PCGF3: variants seen among roughly 807,000 people sequenced by gnomAD.
PCGF3 encodes polycomb group ring finger 3.
A neutral mutation model predicts 33.1 loss-of-function variants in PCGF3; 7 were observed. The ratio of observed to expected loss-of-function variants is 0.21; its 90% confidence interval spans 0.12 to 0.40. The LOEUF (loss-of-function observed/expected upper bound fraction) is 0.40, where lower values mean the gene tolerates loss of function less well. Among genes scored for constraint, PCGF3 ranks in the 10% least tolerant of loss-of-function variants. The pLI is 1.00. For synonymous variants in PCGF3, 153 were observed against 121.3 expected, an observed-to-expected ratio of 1.26 and a Z score of -1.72; for missense variants, 211 against 313.3, an observed-to-expected ratio of 0.67 and a Z score of 2.46.
rs553783149 is a variant in PCGF3, at chr4:728,430, C to T, written c.-189-2200C>T. Reference sequence around the variant, plus strand: ...ATGGCGTAGAGTGCGTGGGGGGTGGCGTGCACAGCGTGTTAAGTGTCGTAA... The same window carrying T: ...ATGGCGTAGAGTGCGTGGGGGGTGGTGTGCACAGCGTGTTAAGTGTCGTAA... On this transcript the variant is annotated intron_variant, in intron 1 of 10. Transcript: ENST00000362003. Among the ~76,000 whole-genome samples, 22 of 144,724 alleles carry T rather than the reference C, an allele frequency of 1.5e-4. No homozygotes were observed. In the East Asian group the frequency reaches 3.8e-3, roughly 25 times the overall value. The allele number at this position is 144,724 out of a possible 152,430, so 94.9% of individuals were successfully genotyped here.
rs1227786635 is a variant in PCGF3, at chr4:722,719, C to CG, written c.-189-7910dup. Among the ~76,000 whole-genome samples, 50 of 97,782 alleles carry CG rather than the reference C, an allele frequency of 5.1e-4. 11 individuals carry two copies. The highest frequency in any genetic ancestry group is 2.2e-3 in the African/African-American group (46 of 21,234). 64.1% of individuals were successfully genotyped at this position (97,782 alleles called of 152,430 possible). The stretch of plus-strand genomic sequence containing the variant: ...CACCTGTCTGCGCTGGGTCCACACT[C>CG]GCGTCATCGCCCACCCACGCCGGGT... On this transcript the variant is annotated intron_variant, in intron 1 of 10. Coordinates refer to ENST00000362003, the Ensembl canonical transcript of PCGF3.
chr4:748,145 C>T (rs754737293), intron 8 of PCGF3, among the ~76,000 whole-genome samples: 4 of 152,078 alleles, frequency 2.6e-5, no homozygotes, highest in Non-Finnish European at 5.9e-5. Flanking sequence ...AAAAACTACA[C>T]GGTCACAGAG....
At chr4:718,083 CA>C (rs1334115186) in intron 1 of PCGF3, among the ~76,000 whole-genome samples, 1 of 152,138 alleles carries the variant, frequency 6.6e-6, no homozygotes, top group Non-Finnish European at 1.5e-5. Context: ...GCAGGTGGCT[CA>C]GAGGTGTCTG....
At chr4:759,957 C>G (rs1744953391) in intron 8 of PCGF3, among the ~76,000 whole-genome samples, 1 of 151,886 alleles carries the variant, frequency 6.6e-6, no homozygotes, top group African/African-American at 2.4e-5. Context: ...TCCCCACGGC[C>G]TCTCTCCCGA....
At chr4:735,146 C>T in intron 5 of PCGF3, 119 bp downstream of exon 5, 2 of 1,164,654 alleles carry the variant, frequency 1.7e-6, no homozygotes, top group Non-Finnish European at 1.2e-6. Flanking sequence ...AGCAGCCTCT[C>T]CTGACCAAGG....
intron 7 of PCGF3, chr4:743,965 C>T (rs988375530): frequency 5.6e-6 from 1 of 179,052 alleles, no homozygotes; most frequent in South Asian, 1.3e-4. Context: ...ATGTTGAAAT[C>T]TGAGGGTATC....
chr4:761,789 CGAA>C (rs1745073618), intron 9 of PCGF3: 1 of 985,372 alleles, frequency 1.0e-6, no homozygotes. Context: ...TGTAAGGAGA[CGAA>C]GGAGTGCTGG....
chr4:748,192 GTC>G (rs1744350793), intron 8 of PCGF3, among the ~76,000 whole-genome samples: 1 of 149,328 alleles, frequency 6.7e-6, no homozygotes, highest in Non-Finnish European at 1.5e-5. Context: ...CCATACCCAC[GTC>G]TAGAGAACTT....
intron 8 of PCGF3, among the ~76,000 whole-genome samples, chr4:753,959 C>T (rs1230107084): frequency 6.6e-6 from 1 of 152,188 alleles, no homozygotes. Flanking sequence ...TTCAGCTTCC[C>T]TTGGAGCGAG....
chr4:734,677 AG>A, intron 4 of PCGF3: 1 of 1,304,446 alleles, frequency 7.7e-7, no homozygotes. Flanking sequence ...CCCCATTCTA[AG>A]TTTTTTTCCC....
At chr4:727,530 A>G (rs1743382633) in intron 1 of PCGF3, among the ~76,000 whole-genome samples, 1 of 152,026 alleles carries the variant, frequency 6.6e-6, no homozygotes, top group Non-Finnish European at 1.5e-5. Flanking sequence ...ATGAGCCACT[A>G]TGCTTGGCTG....
chr4:728,822 G>A (rs983604120), intron 1 of PCGF3, among the ~76,000 whole-genome samples: 4 of 152,090 alleles, frequency 2.6e-5, no homozygotes, highest in African/African-American at 7.2e-5. Flanking sequence ...TCGGTTGGCC[G>A]GGTGTGGTGG....
chr4:754,586 G>A (rs780102457), intron 8 of PCGF3, among the ~76,000 whole-genome samples: 18 of 152,302 alleles, frequency 1.2e-4, no homozygotes, highest in Middle Eastern at 3.4e-3. Flanking sequence ...GCTGCCCCAC[G>A]TGCCGTGGGT....
chr4:709,490 A>G (rs1313247243), intron 1 of PCGF3, among the ~76,000 whole-genome samples: 4 of 152,226 alleles, frequency 2.6e-5, no homozygotes, highest in African/African-American at 9.6e-5. Context: ...AGCGTGAATG[A>G]TCCATGAACA....
chr4:750,397 C>T (rs574354158), intron 8 of PCGF3, among the ~76,000 whole-genome samples: 4 of 152,176 alleles, frequency 2.6e-5, no homozygotes, highest in Admixed American at 2.6e-4. Flanking sequence ...TGCAGATTTT[C>T]CAGGGGTCCT....
rs766297398 is a variant in PCGF3 at position 721,213 on chromosome 4, G to A, written c.-189-9417G>A. 3.3e-5 allele frequency among the ~76,000 whole-genome samples: 5 copies of A among 152,196 alleles called. No homozygotes were observed. Among genetic ancestry groups the A allele is most frequent in the Non-Finnish European group, 5.9e-5 (4 of 68,034 alleles). On this transcript the variant is annotated intron_variant, in intron 1 of 10. Transcript: ENST00000362003. This position sits in a 1 kb window ranked among gnomAD's most constrained non-coding sequence, Gnocchi z 4.1. ...GGGCCCTGATTCTCATGGTTCCCCA[G>A]TGAGGCTGTTCCACGGTGGCACAGG...
chr4:755,483 C>T (rs1161151451), intron 8 of PCGF3, among the ~76,000 whole-genome samples: 1 of 152,208 alleles, frequency 6.6e-6, no homozygotes, highest in Non-Finnish European at 1.5e-5. Context: ...CTGCAGGGAT[C>T]GTCTTTCCTT....
chr4:734,535 G>T (rs1743751656), intron 4 of PCGF3: 2 of 1,178,776 alleles, frequency 1.7e-6, no homozygotes, highest in Non-Finnish European at 2.1e-6. Context: ...TTTTATGTTA[G>T]GTTATTTTCA....
At chr4:754,197 G>A (rs550170081) in intron 8 of PCGF3, among the ~76,000 whole-genome samples, 10 of 152,226 alleles carry the variant, frequency 6.6e-5, no homozygotes, top group Admixed American at 1.3e-4. Flanking sequence ...AGCAGGCTGG[G>A]GGTTCTGGTG....
Sources: allele counts gnomAD v4.1 joint callset (sites outside exome capture counted in the v4.1 genomes callset), GRCh38; gene constraint gnomAD v4.1.1; non-coding constraint Gnocchi (gnomAD v3.1); transcripts MANE v1.5; gene names NCBI Gene and HGNC (gene_info 2026-07-23, HGNC 2026-07-21).